ZMAT4: variants seen among roughly 807,000 people sequenced by gnomAD.
ZMAT4 encodes the protein zinc finger matrin-type 4, also known as zinc finger matrin-type protein 4.
ZMAT4 carries 17 observed loss-of-function variants against 28.7 expected under a neutral mutation model. That is an observed-to-expected ratio of 0.59 (90% CI 0.41 to 0.89). The LOEUF is 0.89. ZMAT4 is among the 40% of genes least tolerant of loss of function. ZMAT4 has a pLI of 0.00. For synonymous variants in ZMAT4, 117 were observed against 109.2 expected (o/e 1.07, Z -0.44); for missense variants, 240 against 283.8 (o/e 0.85, Z 1.11).
intron 3 of ZMAT4, among the ~76,000 whole-genome samples, chr8:40,755,756 A>C (rs1328271939): frequency 6.6e-6 from 1 of 152,132 alleles, no homozygotes; most frequent in African/African-American, 2.4e-5. Context: ...CCCAGCCTGA[A>C]TTTCATGTAA....
intron 1 of ZMAT4, among the ~76,000 whole-genome samples, chr8:40,862,559 T>A: frequency 7.9e-6 from 1 of 126,610 alleles, no homozygotes; most frequent in Non-Finnish European, 1.6e-5. Flanking sequence ...ACCCTAAAAC[T>A]TAGAGTATAA....
intron 3 of ZMAT4, among the ~76,000 whole-genome samples, chr8:40,754,292 A>G (rs779914675): frequency 7.7e-4 from 118 of 152,348 alleles, no homozygotes; most frequent in Middle Eastern, 6.8e-3. Context: ...CAGGCTTTCC[A>G]ATGATCAAAG....
At chr8:40,679,386 A>G (rs1809050976) in intron 4 of ZMAT4, among the ~76,000 whole-genome samples, 1 of 152,168 alleles carries the variant, frequency 6.6e-6, no homozygotes, top group African/African-American at 2.4e-5. Context: ...ATAAAGACAT[A>G]CCTGAGACTG....
chr8:40,671,751 A>G (rs1392425474), intron 5 of ZMAT4, among the ~76,000 whole-genome samples: 1 of 152,212 alleles, frequency 6.6e-6, no homozygotes, highest in African/African-American at 2.4e-5. Context: ...TTGCACTGTC[A>G]AAACTCATAG....
chr8:40,534,545 T>A (rs1450284990), intron 6 of ZMAT4, among the ~76,000 whole-genome samples: 1 of 152,162 alleles, frequency 6.6e-6, no homozygotes. Flanking sequence ...TATGATTCCA[T>A]CTGAAGAGAG....
chr8:40,619,723 T>G (rs2118686806), intron 5 of ZMAT4, among the ~76,000 whole-genome samples: 1 of 152,322 alleles, frequency 6.6e-6, no homozygotes, highest in African/African-American at 2.4e-5. Flanking sequence ...TCATCATTTC[T>G]TAGCATCAGC....
rs760641844 is a variant in ZMAT4 at position 40,697,242 on chromosome 8, T to C, written c.349+3A>G. Reference sequence around the variant, plus strand: ...TCCCCACGATCACTGTTCCTGCACGTACCTGTGGTCTTTAATGGGGTCTTC... The same window carrying C: ...TCCCCACGATCACTGTTCCTGCACGCACCTGTGGTCTTTAATGGGGTCTTC... On this transcript the variant is annotated splice_donor_region_variant and intron_variant, in intron 4 of 6. Transcript: ENST00000297737. The C allele has an allele frequency of 1.2e-6, 2 of 1,605,634 alleles. No homozygotes were observed. The highest frequency in any genetic ancestry group is 3.4e-5 in the Admixed American group (2 of 59,094).
chr8:40,741,401 T>G (rs532092670), intron 3 of ZMAT4, among the ~76,000 whole-genome samples: 2 of 150,436 alleles, frequency 1.3e-5, no homozygotes, highest in East Asian at 3.9e-4. Flanking sequence ...GAGCCTAAAT[T>G]GCGCTACTTC....
Position 40,895,960 on chromosome 8 carries a change from AG to A in ZMAT4, c.-5+1722del, listed in dbSNP as rs908479912. ...CTGGGAAAAGTTCAGCTTCCGCTCCAGGCCCCCCAAACACAAAAAGATTATA... is the reference window on the plus strand; with the variant it reads ...CTGGGAAAAGTTCAGCTTCCGCTCCAGCCCCCCAAACACAAAAAGATTATA... On this transcript the variant is annotated intron_variant, in intron 1 of 6. Coordinates refer to ENST00000297737, the MANE Select transcript of ZMAT4 (RefSeq NM_024645.3). 7.2e-5 allele frequency among the ~76,000 whole-genome samples: 11 copies of A among 152,314 alleles called. 1 individual carries two copies. Among genetic ancestry groups the A allele is most frequent in the Admixed American group, 7.2e-4 (11 of 15,308 alleles).
chr8:40,725,793 C>T lies in ZMAT4; in HGVS notation c.193-28392G>A, dbSNP rs367562472. Among the ~76,000 whole-genome samples, 161 of 152,228 alleles carry T rather than the reference C, an allele frequency of 1.1e-3. 1 individual carries two copies. Among genetic ancestry groups the T allele is most frequent in the African/African-American group, 3.6e-3 (149 of 41,544 alleles). On this transcript the variant is annotated intron_variant, in intron 3 of 6. Coordinates refer to ENST00000297737, the MANE Select transcript of ZMAT4 (RefSeq NM_024645.3). ...TCAAAAAAAAGAAAAAAAGAAAAAACAATCATGATTTCATGTCAGCCTACT... is the reference window on the plus strand; with the variant it reads ...TCAAAAAAAAGAAAAAAAGAAAAAATAATCATGATTTCATGTCAGCCTACT...
chr8:40,647,782 A>T (rs551158189), intron 5 of ZMAT4, among the ~76,000 whole-genome samples: 1 of 151,754 alleles, frequency 6.6e-6, no homozygotes, highest in South Asian at 2.1e-4. Context: ...ACCCCCGAGC[A>T]GCCTAACTGG....
At chr8:40,564,980 T>C (rs1803865404) in intron 6 of ZMAT4, among the ~76,000 whole-genome samples, 2 of 152,204 alleles carry the variant, frequency 1.3e-5, no homozygotes, top group Admixed American at 1.3e-4. Flanking sequence ...TACTCTTTTA[T>C]CTGTACACTG....
intron 5 of ZMAT4, among the ~76,000 whole-genome samples, chr8:40,647,770 T>C (rs561741903): frequency 1.3e-5 from 2 of 152,290 alleles, no homozygotes; most frequent in Admixed American, 6.5e-5. Flanking sequence ...CCCTGACCCC[T>C]GACCCCCGAG....
chr8:40,620,471 A>G (rs79289011), intron 5 of ZMAT4, among the ~76,000 whole-genome samples: 153 of 152,346 alleles, frequency 1.0e-3, no homozygotes, highest in African/African-American at 3.6e-3. Flanking sequence ...ATTCCTCTGT[A>G]AAAGAACATT....
intron 5 of ZMAT4, among the ~76,000 whole-genome samples, chr8:40,613,332 G>A (rs1049553419): frequency 5.9e-5 from 9 of 151,340 alleles, no homozygotes; most frequent in Non-Finnish European, 8.8e-5. Context: ...ACAGGTGCCT[G>A]CCACCATGCC....
chr8:40,869,651 CACTT>C (rs1402103119), intron 1 of ZMAT4, among the ~76,000 whole-genome samples: 1 of 152,328 alleles, frequency 6.6e-6, no homozygotes, highest in East Asian at 1.9e-4. Context: ...CAGTAACTGA[CACTT>C]AGTCCTTCAC....
intron 5 of ZMAT4, among the ~76,000 whole-genome samples, chr8:40,656,342 G>A (rs977849533): frequency 1.3e-5 from 2 of 152,106 alleles, no homozygotes; most frequent in African/African-American, 4.8e-5. Flanking sequence ...TACATTGCTG[G>A]TGGGAATGTA....
chr8:40,828,390 C>T (rs1816155559), intron 1 of ZMAT4, among the ~76,000 whole-genome samples: 1 of 152,076 alleles, frequency 6.6e-6, no homozygotes, highest in South Asian at 2.1e-4. Context: ...AATCTCCAAA[C>T]TCACTGCACA....
chr8:40,740,036 G>A (rs1811934570), intron 3 of ZMAT4, among the ~76,000 whole-genome samples: 1 of 152,120 alleles, frequency 6.6e-6, no homozygotes, highest in African/African-American at 2.4e-5. Flanking sequence ...TCTTTATCCA[G>A]TCTACCATTG....
Sources: gnomAD v4.1 joint callset for allele counts (sites outside exome capture counted in the v4.1 genomes callset) on GRCh38, gnomAD v4.1.1 for gene constraint, MANE v1.5 for transcripts, NCBI Gene and HGNC (gene_info 2026-07-23, HGNC 2026-07-21) for gene names.